Variants in CCDC171 observed in about 807,000 individuals in gnomAD.
CCDC171 encodes coiled-coil domain containing 171.
Under a neutral mutation model 168.2 loss-of-function variants are expected in CCDC171, and 177 were observed. That is an observed-to-expected ratio of 1.05 (90% CI 0.93 to 1.19). CCDC171 has a LOEUF of 1.19. Among genes scored for constraint, CCDC171 ranks in the 50% most tolerant of loss-of-function variants. The pLI is 0.00. For synonymous variants in CCDC171, 687 were observed against 540.8 expected, an observed-to-expected ratio of 1.27 and a Z score of -3.75; for missense variants, 1,991 against 1,539.0, an observed-to-expected ratio of 1.29 and a Z score of -4.91.
At position 15,624,453 on chromosome 9, in the gene CCDC171, T is replaced by A. The variant is rs561747122; in HGVS notation, c.822+1040T>A. Reference sequence around the variant, plus strand: ...ACATTAGGTATATCTCCTAATGCTATCCCTCCCCACTCCCCCACCCCATGA... The same window carrying A: ...ACATTAGGTATATCTCCTAATGCTAACCCTCCCCACTCCCCCACCCCATGA... On this transcript the variant is annotated intron_variant, in intron 7 of 25. Coordinates refer to ENST00000380701, the MANE Select transcript of CCDC171 (RefSeq NM_173550.4). Among the ~76,000 whole-genome samples, 7 of 152,182 alleles carry A rather than the reference T, an allele frequency of 4.6e-5. No individual in the cohort carries two copies. In the South Asian group the frequency reaches 1.2e-3, roughly 27 times the overall value.
intron 16 of CCDC171, among the ~76,000 whole-genome samples, chr9:15,732,239 G>A (rs1331157253): frequency 6.6e-6 from 1 of 152,032 alleles, no homozygotes; most frequent in Non-Finnish European, 1.5e-5. Flanking sequence ...GTTTATATAT[G>A]TGAAATGATT....
chr9:15,803,339 A>T (rs911223015), intron 21 of CCDC171, among the ~76,000 whole-genome samples: 10 of 150,784 alleles, frequency 6.6e-5, no homozygotes, highest in Admixed American at 2.6e-4. Context: ...GCCCATGCCT[A>T]TGTCCTGAAT....
At chr9:15,778,390 G>A (rs1313856411) in intron 19 of CCDC171, among the ~76,000 whole-genome samples, 1 of 138,488 alleles carries the variant, frequency 7.2e-6, no homozygotes, top group African/African-American at 2.7e-5. Flanking sequence ...TGTAATCCCA[G>A]TACTTTGGGA....
chr9:15,644,780 G>A (rs1297652045), intron 7 of CCDC171, among the ~76,000 whole-genome samples: 3 of 152,204 alleles, frequency 2.0e-5, no homozygotes, highest in Non-Finnish European at 4.4e-5. Flanking sequence ...GCAGCCCAAG[G>A]AGGCCTGCCT....
chr9:15,978,710 A>G (rs1012450886), downstream of CCDC171, among the ~76,000 whole-genome samples: 3 of 152,186 alleles, frequency 2.0e-5, no homozygotes, highest in Non-Finnish European at 4.4e-5. Flanking sequence ...GCACATACAT[A>G]TATATTTTTT....
intron 1 of CCDC171, among the ~76,000 whole-genome samples, chr9:16,043,518 T>G (rs566867111): frequency 2.6e-5 from 4 of 152,328 alleles, no homozygotes; most frequent in African/African-American, 9.6e-5. Flanking sequence ...AATAAAAATG[T>G]GTCCAAAAGC....
At chr9:15,886,023 T>A (rs1819348928) in intron 24 of CCDC171, 1 of 152,172 alleles carries the variant, frequency 6.6e-6, no homozygotes, top group South Asian at 2.1e-4. Flanking sequence ...TATTTAAACT[T>A]GGAATTATCA....
At chr9:15,706,248 C>CCTTCCTTCCTTG (rs1554770025) in intron 11 of CCDC171, among the ~76,000 whole-genome samples, 35 of 94,600 alleles carry the variant, frequency 3.7e-4, no homozygotes, top group African/African-American at 1.2e-3. Flanking sequence ...TTCCTTGCTT[C>CCTTCCTTCCTTG]CTTCCTTCCT....
chr9:16,103,340 C>A, the CCDC171 span, among the ~76,000 whole-genome samples: 1 of 152,150 alleles, frequency 6.6e-6, no homozygotes, highest in Non-Finnish European at 1.5e-5. Flanking sequence ...TCCTTCCCCA[C>A]CTCTGCTCTG....
chr9:15,594,743 G>T (rs941092797), intron 6 of CCDC171, among the ~76,000 whole-genome samples: 1 of 152,072 alleles, frequency 6.6e-6, no homozygotes, highest in African/African-American at 2.4e-5. Flanking sequence ...AAGGCTGCAG[G>T]TCTCTGAATT....
intron 6 of CCDC171, among the ~76,000 whole-genome samples, chr9:15,619,105 A>C (rs781030778): frequency 6.6e-6 from 1 of 152,064 alleles, no homozygotes; most frequent in Non-Finnish European, 1.5e-5. Flanking sequence ...CCGTTCTTCC[A>C]ACTCTCCCTC....
chr9:15,917,578 A>G (rs546492497), intron 24 of CCDC171, among the ~76,000 whole-genome samples: 1 of 151,794 alleles, frequency 6.6e-6, no homozygotes, highest in Non-Finnish European at 1.5e-5. Flanking sequence ...GTTATCCACT[A>G]TATAAAATTT....
chr9:15,670,375 G>T (rs779642022), intron 9 of CCDC171, among the ~76,000 whole-genome samples: 2 of 152,044 alleles, frequency 1.3e-5, no homozygotes, highest in Non-Finnish European at 2.9e-5. Context: ...ATTAATACAT[G>T]TACACAGTCT....
chr9:16,103,801 C>A, the CCDC171 span, among the ~76,000 whole-genome samples: 12 of 152,248 alleles, frequency 7.9e-5, no homozygotes, highest in East Asian at 1.9e-3. Context: ...GGCCTGCCCC[C>A]CAGTGATTTA....
At chr9:15,672,251 C>A (rs1029770667) in intron 9 of CCDC171, among the ~76,000 whole-genome samples, 2 of 152,044 alleles carry the variant, frequency 1.3e-5, no homozygotes, top group African/African-American at 4.8e-5. Context: ...TGGATATTAG[C>A]CCTTTGTCAG....
chr9:15,855,094 C>T (rs1578557), intron 23 of CCDC171, among the ~76,000 whole-genome samples: 117,411 of 151,488 alleles, frequency 0.78, 46,551 homozygotes, highest in East Asian at 0.89. Flanking sequence ...TTATGTCTAG[C>T]GGGTTTATGT....
intron 7 of CCDC171, among the ~76,000 whole-genome samples, chr9:15,654,167 C>T (rs923676153): frequency 1.3e-5 from 2 of 151,112 alleles, no homozygotes; most frequent in African/African-American, 4.8e-5. Flanking sequence ...ACCTTGAGAC[C>T]CAAAAGGATC....
chr9:15,917,465 GGAT>G (rs1242501809), intron 24 of CCDC171, among the ~76,000 whole-genome samples: 14 of 146,830 alleles, frequency 9.5e-5, no homozygotes, highest in Non-Finnish European at 2.2e-4. Context: ...AAGAAAAATT[GGAT>G]TATTATATTC....
chr9:15,983,686 A>G (rs1831880065), intron 3 of CCDC171, among the ~76,000 whole-genome samples: 1 of 152,094 alleles, frequency 6.6e-6, no homozygotes, highest in African/African-American at 2.4e-5. Context: ...GCTGCCAGAT[A>G]ATTGTGTAAG....
Sources: gnomAD v4.1 joint callset for allele counts (sites outside exome capture counted in the v4.1 genomes callset) on GRCh38, gnomAD v4.1.1 for gene constraint, MANE v1.5 for transcripts, NCBI Gene and HGNC (gene_info 2026-07-23, HGNC 2026-07-21) for gene names.